SEMA4F: variants seen among roughly 807,000 people sequenced by gnomAD.
SEMA4F encodes ssemaphorin 4F.
SEMA4F carries 51 observed loss-of-function variants against 78.4 expected under a neutral mutation model. That is an observed-to-expected ratio of 0.65 (90% CI 0.52 to 0.82). The LOEUF (loss-of-function observed/expected upper bound fraction) is 0.82. SEMA4F is among the 40% of genes least tolerant of loss of function. The pLI, the probability that SEMA4F is intolerant of heterozygous loss-of-function variation, is 0.00. For synonymous variants in SEMA4F, 418 were observed against 408.7 expected, an observed-to-expected ratio of 1.02 and a Z score of -0.27; for missense variants, 938 against 1,014.4, an observed-to-expected ratio of 0.92 and a Z score of 1.02.
intron 13 of SEMA4F, 32 bp from the exon 14 acceptor site, chr2:74,679,567 A>G (rs1179766411): frequency 5.7e-6 from 9 of 1,571,524 alleles, no homozygotes; most frequent in Non-Finnish European, 7.8e-6. Context: ...CTTTAGCCTC[A>G]CCTCCTTTTG....
chr2:74,689,781 G>A, the SEMA4F span, among the ~76,000 whole-genome samples: 2 of 152,148 alleles, frequency 1.3e-5, no homozygotes, highest in South Asian at 4.1e-4. Flanking sequence ...GAACATAAAG[G>A]ATTTCATAGA....
At chr2:74,672,872 G>T (rs902636994) in intron 5 of SEMA4F, among the ~76,000 whole-genome samples, 6 of 152,166 alleles carry the variant, frequency 3.9e-5, no homozygotes, top group Non-Finnish European at 8.8e-5. Context: ...TACTCTGATT[G>T]CTTCTTCAAA....
the SEMA4F span, among the ~76,000 whole-genome samples, chr2:74,708,642 T>C: frequency 6.6e-6 from 1 of 152,182 alleles, no homozygotes; most frequent in East Asian, 1.9e-4. Flanking sequence ...TAATGTCTTA[T>C]ATAATTCCCC....
the SEMA4F span, among the ~76,000 whole-genome samples, chr2:74,700,352 G>A: frequency 6.6e-6 from 1 of 152,088 alleles, no homozygotes. Flanking sequence ...AATGCCACAT[G>A]TGGGAATAGG....
At chr2:74,665,365 G>A (rs1381042812) in intron 5 of SEMA4F, among the ~76,000 whole-genome samples, 1 of 151,694 alleles carries the variant, frequency 6.6e-6, no homozygotes, top group Non-Finnish European at 1.5e-5. Context: ...GAGTAGCTGG[G>A]ACTACAGGCG....
intron 1 of SEMA4F, among the ~76,000 whole-genome samples, chr2:74,654,765 G>A (rs925339510): frequency 6.6e-6 from 1 of 152,142 alleles, no homozygotes; most frequent in Non-Finnish European, 1.5e-5. Flanking sequence ...CCCACGACAC[G>A]CCCAGGCTGC....
chr2:74,684,785 G>A (rs1012051631), downstream of SEMA4F, among the ~76,000 whole-genome samples: 15 of 152,124 alleles, frequency 9.9e-5, no homozygotes, highest in Admixed American at 2.6e-4. Context: ...GCAAAATGAC[G>A]GAATCCTGTC....
At chr2:74,705,988 C>A in the SEMA4F span, among the ~76,000 whole-genome samples, 1 of 148,532 alleles carries the variant, frequency 6.7e-6, no homozygotes, top group Non-Finnish European at 1.5e-5. Flanking sequence ...TTTTCTGATT[C>A]CTTTATGGTT....
chr2:74,679,496 T>C (rs1338472674), intron 13 of SEMA4F, 103 bp from the exon 14 acceptor site: 3 of 1,511,984 alleles, frequency 2.0e-6, no homozygotes, highest in East Asian at 4.5e-5. Flanking sequence ...TTTAGCTTAG[T>C]CTCCATAGCC....
chr2:74,697,225 A>G, the SEMA4F span, among the ~76,000 whole-genome samples: 311 of 152,290 alleles, frequency 2.0e-3, no homozygotes, highest in Non-Finnish European at 3.0e-3. Flanking sequence ...TTGAATACAT[A>G]CTTGGGGGCA....
intron 4 of SEMA4F, among the ~76,000 whole-genome samples, chr2:74,659,329 GTT>G: frequency 6.6e-6 from 1 of 152,338 alleles, no homozygotes; most frequent in East Asian, 1.9e-4. Context: ...ATTGTTCTAA[GTT>G]AGTCTCCTAG....
chr2:74,673,525 G>A lies in SEMA4F; in HGVS notation c.619G>A (p.Gly207Ser). The A allele has an allele frequency of 6.2e-7, 1 of 1,614,162 alleles. No homozygotes were observed. Among genetic ancestry groups the A allele is most frequent in the African/African-American group, 1.3e-5 (1 of 75,018 alleles). ...GGAGCCAATTATCACCAGAGCAGTG[G>A]GTCGTGCCGAGGACTGGATTCGGAC... ...GTEPIITRAV[G>S]RAEDWIRTDT... Residue 207 changes from glycine (G) to serine (S), a missense_variant, in exon 6 of 14, where the codon GGT (glycine) becomes AGT (serine). By Grantham distance (56) the Gly-to-Ser change is moderately conservative. Coordinates refer to ENST00000357877, the MANE Select transcript of SEMA4F (RefSeq NM_004263.5).
At chr2:74,662,921 T>C in intron 5 of SEMA4F, 96 bp downstream of exon 5, 1 of 1,087,730 alleles carries the variant, frequency 9.2e-7, no homozygotes, top group Non-Finnish European at 1.4e-6. Flanking sequence ...TACCTTGGAA[T>C]GTCTATTATT....
intron 4 of SEMA4F, among the ~76,000 whole-genome samples, chr2:74,659,062 T>G (rs1164849360): frequency 1.3e-5 from 2 of 152,192 alleles, no homozygotes; most frequent in Non-Finnish European, 2.9e-5. Flanking sequence ...TGTTAAGTCC[T>G]TTTCATAATG....
chr2:74,680,448 C>T lies in SEMA4F; in HGVS notation c.*239C>T, dbSNP rs1685555266. 1 of 461,422 alleles carries T rather than the reference C, an allele frequency of 2.2e-6. No homozygotes were observed. Among genetic ancestry groups the T allele is most frequent in the Non-Finnish European group, 3.8e-6 (1 of 264,106 alleles). The allele number at this position is 461,422 out of a possible 1,614,324, so 28.6% of individuals were successfully genotyped here. A position where few individuals can be genotyped will look rare whatever the true frequency, so the allele number is the denominator to read the frequency against. On this transcript the variant is annotated 3_prime_UTR_variant, in exon 14 of 14. Coordinates refer to ENST00000357877, the MANE Select transcript of SEMA4F (RefSeq NM_004263.5). ...TGCTTTCTGCAGCAAATCAGGGCTTCCCCCTAACATCTGAACTCCTGTAAA... is the reference window on the plus strand; with the variant it reads ...TGCTTTCTGCAGCAAATCAGGGCTTTCCCCTAACATCTGAACTCCTGTAAA...
At position 74,654,431 on chromosome 2, in the gene SEMA4F, C is replaced by T; in HGVS notation, c.55C>T (p.Pro19Ser). The T allele has an allele frequency of 6.4e-7, 1 of 1,565,610 alleles. No individual in the cohort carries two copies. The highest frequency in any genetic ancestry group is 1.8e-5 in the Admixed American group (1 of 55,876). The change falls in exon 1 of 14, where the codon CCC becomes TCC. Residue 19 changes from proline (P) to serine (S), a missense_variant. By Grantham distance (74) the Pro-to-Ser change is moderately conservative. Coordinates refer to ENST00000357877, the MANE Select transcript of SEMA4F (RefSeq NM_004263.5). Reference protein sequence around the residue: ...RPGPGQPTASPFPLLLLAVLS... With the variant: ...RPGPGQPTASSFPLLLLAVLS... ...GGGTCCCGGGCAGCCTACAGCCTCG[C>T]CCTTCCCGCTACTGCTGCTGGCGGT...
Position 74,675,244 on chromosome 2 carries a change from A to G in SEMA4F, c.1232A>G (p.His411Arg), listed in dbSNP as rs780918939. ...CGCGTACTCACCTTCATCCGGGACC[A>G]CCCACTCATGGACAGGCCAGTGTTT... ...PDRVLTFIRD[H>R]PLMDRPVFPA... The change falls in exon 10 of 14, where the codon CAC (histidine) becomes CGC (arginine). Residue 411 changes from histidine (H) to arginine (R), a missense_variant. Physicochemically the swap from His to Arg is conservative, Grantham distance 29. Coordinates refer to ENST00000357877, the MANE Select transcript of SEMA4F (RefSeq NM_004263.5). The G allele has an allele frequency of 9.3e-6, 15 of 1,614,008 alleles. No homozygotes were observed. The highest frequency in any genetic ancestry group is 1.3e-5 in the Non-Finnish European group (15 of 1,179,996).
the SEMA4F span, among the ~76,000 whole-genome samples, chr2:74,689,794 A>G: frequency 9.2e-5 from 14 of 152,326 alleles, no homozygotes; most frequent in African/African-American, 3.4e-4. Context: ...TTCATAGAAC[A>G]CCAACATCAG....
At chr2:74,667,426 GGCCTGTCCCATT>G (rs1338795406) in intron 5 of SEMA4F, among the ~76,000 whole-genome samples, 3 of 152,066 alleles carry the variant, frequency 2.0e-5, no homozygotes, top group Non-Finnish European at 4.4e-5. Context: ...GTGGCTAAAG[GGCCTGTCCCATT>G]GCCAGTCTCA....
Sources: allele counts gnomAD v4.1 joint callset (sites outside exome capture counted in the v4.1 genomes callset), GRCh38; gene constraint gnomAD v4.1.1; transcripts MANE v1.5; gene names NCBI Gene and HGNC (gene_info 2026-07-23, HGNC 2026-07-21).